The following SDK1 variants were observed in gnomAD, a reference collection of about 807,000 sequenced individuals.
The protein encoded by SDK1 is protein sidekick-1.
In SDK1, 157 loss-of-function variants were observed where a neutral mutation model predicts 245.5. The observed-to-expected ratio is 0.64, with a 90% confidence interval of 0.56 to 0.73. SDK1 has a LOEUF of 0.73. Among genes scored for constraint, SDK1 ranks in the 30% least tolerant of loss-of-function variants. The probability of loss-of-function intolerance (pLI) is 0.00; values close to 1 mark genes in which losing one functional copy is unlikely to be tolerated. For synonymous variants in SDK1, 1,647 were observed against 1,278.5 expected, an observed-to-expected ratio of 1.29 and a Z score of -6.15; for missense variants, 3,583 against 3,002.3, an observed-to-expected ratio of 1.19 and a Z score of -4.52.
intron 1 of SDK1, among the ~76,000 whole-genome samples, chr7:3,342,597 GAAAAA>G (rs960136457): frequency 1.4e-5 from 2 of 143,822 alleles, no homozygotes; most frequent in African/African-American, 5.1e-5. Context: ...TCAAAAAAAA[GAAAAA>G]AAAAAGGAAG....
intron 4 of SDK1, among the ~76,000 whole-genome samples, chr7:3,742,941 G>C (rs1779516807): frequency 6.6e-6 from 1 of 152,198 alleles, no homozygotes; most frequent in Non-Finnish European, 1.5e-5. Flanking sequence ...GTCATCAGTG[G>C]AGACTGGTTT....
intron 21 of SDK1, among the ~76,000 whole-genome samples, chr7:4,077,488 A>G (rs747315161): frequency 3.3e-5 from 5 of 152,208 alleles, no homozygotes; most frequent in Non-Finnish European, 7.3e-5. Context: ...CTAAAATGCC[A>G]TGAATACTTT....
Position 3,969,380 on chromosome 7 carries a change from A to T in SDK1, c.1670A>T (p.Asn557Ile). The T allele has an allele frequency of 6.2e-7, 1 of 1,609,318 alleles. No homozygotes were observed. Among genetic ancestry groups the T allele is most frequent in the Non-Finnish European group, 8.5e-7 (1 of 1,177,970 alleles). ...DAGNYTCYAANTEGSLNASAT... is the reference protein window; with the variant it reads ...DAGNYTCYAAITEGSLNASAT... Reference sequence around the variant, plus strand: ...GGCAACTACACCTGCTATGCGGCCAACACAGAGGGCTCCCTGAATGCATCG... The same window carrying T: ...GGCAACTACACCTGCTATGCGGCCATCACAGAGGGCTCCCTGAATGCATCG... Residue 557 changes from asparagine to isoleucine, a missense_variant, in exon 11 of 45, where the codon AAC becomes ATC. Physicochemically the swap from Asn to Ile is moderately radical, Grantham distance 149 (BLOSUM62 -3). Transcript: ENST00000404826.
chr7:4,158,623 T>C (rs1168947464), intron 31 of SDK1, 72 bp downstream of exon 31: 2 of 1,151,770 alleles, frequency 1.7e-6, no homozygotes, highest in East Asian at 4.7e-5. Context: ...GGCCACACTT[T>C]CGTCTTGAGC....
intron 1 of SDK1, among the ~76,000 whole-genome samples, chr7:3,613,281 G>A (rs1335959294): frequency 6.6e-6 from 1 of 152,166 alleles, no homozygotes; most frequent in African/African-American, 2.4e-5. Flanking sequence ...TTCCTCTGCA[G>A]ATAGATGGGT....
intron 4 of SDK1, among the ~76,000 whole-genome samples, chr7:3,789,025 C>A (rs1280161018): frequency 1.3e-5 from 2 of 152,218 alleles, no homozygotes; most frequent in Non-Finnish European, 2.9e-5. Context: ...AAGCTCCTTT[C>A]TGAGGGAGCA....
At chr7:4,037,108 T>C (rs917041902) in intron 17 of SDK1, among the ~76,000 whole-genome samples, 1 of 152,224 alleles carries the variant, frequency 6.6e-6, no homozygotes, top group Non-Finnish European at 1.5e-5. Flanking sequence ...CAAAACTCTT[T>C]GGACAGCCAA....
chr7:4,233,704 G>C (rs1785955357), intron 41 of SDK1, among the ~76,000 whole-genome samples: 1 of 152,140 alleles, frequency 6.6e-6, no homozygotes, highest in South Asian at 2.1e-4. Flanking sequence ...GCTTAGTTGA[G>C]GTTCTGCCCA....
Position 3,928,621 on chromosome 7 carries a change from GT to G in SDK1, c.848-22293del, listed in dbSNP as rs1007736056. On this transcript the variant is annotated intron_variant, in intron 5 of 44. Coordinates refer to ENST00000404826, the MANE Select transcript of SDK1 (RefSeq NM_152744.4). ...CTTGTGGGACTTGAACTCAATAAAA[GT>G]TTTTTTTTGGGGGGGGTGGGTGGAA... Among the ~76,000 whole-genome samples, 10 of 147,734 alleles carry G rather than the reference GT, an allele frequency of 6.8e-5. 1 individual carries two copies. Among genetic ancestry groups the G allele is most frequent in the Admixed American group, 2.0e-4 (3 of 14,846 alleles).
chr7:3,460,199 G>A (rs1343010992), intron 1 of SDK1, among the ~76,000 whole-genome samples: 2 of 152,190 alleles, frequency 1.3e-5, no homozygotes, highest in Non-Finnish European at 2.9e-5. Context: ...CCTCAGCCAA[G>A]TTATAGAATG....
Position 4,161,828 on chromosome 7 carries a change from C to G in SDK1, c.4772C>G (p.Thr1591Ser), listed in dbSNP as rs1562371583. The G allele has an allele frequency of 6.8e-6, 11 of 1,614,026 alleles. No homozygotes were observed. The highest frequency in any genetic ancestry group is 9.3e-6 in the Non-Finnish European group (11 of 1,179,984). Residue 1591 changes from threonine to serine, a missense_variant, in exon 32 of 45, where the codon ACC (threonine) becomes AGC (serine). Coordinates refer to ENST00000404826, the MANE Select transcript of SDK1 (RefSeq NM_152744.4). ...GGATCTGTCTCAGCGACGCCACACACCACGTCCTCTGTCCTGATACAGTGG... is the reference window on the plus strand; with the variant it reads ...GGATCTGTCTCAGCGACGCCACACAGCACGTCCTCTGTCCTGATACAGTGG... ...PPGSVSATPH[T>S]TSSVLIQWQP...
At chr7:3,383,517 A>T (rs1297033447) in intron 1 of SDK1, among the ~76,000 whole-genome samples, 1 of 152,164 alleles carries the variant, frequency 6.6e-6, no homozygotes, top group Non-Finnish European at 1.5e-5. Context: ...GCCTCCATGT[A>T]ATCAGATTTT....
intron 28 of SDK1, among the ~76,000 whole-genome samples, chr7:4,138,827 A>G (rs1464706665): frequency 6.6e-6 from 1 of 152,170 alleles, no homozygotes; most frequent in Non-Finnish European, 1.5e-5. Flanking sequence ...ATGACTAAAA[A>G]AAGTCCCAAG....
chr7:3,409,195 G>C (rs182514388), intron 1 of SDK1, among the ~76,000 whole-genome samples: 1 of 152,030 alleles, frequency 6.6e-6, no homozygotes, highest in Admixed American at 6.5e-5. Flanking sequence ...ATTTCATGTT[G>C]GTGTTTCTAC....
rs572403782 is a variant in SDK1 at position 4,188,083 on chromosome 7, A to G, written c.5098+9497A>G. On this transcript the variant is annotated intron_variant, in intron 35 of 44. Transcript: ENST00000404826. ...CAGCATGGGGAAAACCACTCCCATG[A>G]TTCAATTCTCTCTCGCTGGGCCTCT... Among the ~76,000 whole-genome samples the G allele has an allele frequency of 2.0e-5, 3 of 152,308 alleles. No homozygotes were observed. In the East Asian group the frequency reaches 5.8e-4, roughly 29 times the overall value.
intron 1 of SDK1, among the ~76,000 whole-genome samples, chr7:3,576,101 T>C (rs1280262110): frequency 6.6e-6 from 1 of 152,096 alleles, no homozygotes; most frequent in Non-Finnish European, 1.5e-5. Flanking sequence ...AGTTTCAAAT[T>C]GTAATTAGAA....
intron 5 of SDK1, among the ~76,000 whole-genome samples, chr7:3,866,419 G>T (rs1041968807): frequency 3.3e-5 from 5 of 152,186 alleles, no homozygotes; most frequent in African/African-American, 1.2e-4. Context: ...TGCTTTGAAC[G>T]ATGAAAGGGG....
rs1391372942 is a variant in SDK1 at position 4,113,276 on chromosome 7, G to GT, written c.3435-8dup. On this transcript the variant is annotated splice_polypyrimidine_tract_variant and intron_variant, in intron 23 of 44. Transcript: ENST00000404826. ...TGCTTTGCCGTGACTCTCATCAGTGGTTTTTCCTTTAGATTTCGAATGAAG... is the reference window on the plus strand; with the variant it reads ...TGCTTTGCCGTGACTCTCATCAGTGGTTTTTTCCTTTAGATTTCGAATGAAG... The GT allele has an allele frequency of 6.2e-7, 1 of 1,611,330 alleles. No homozygotes were observed. Among genetic ancestry groups the GT allele is most frequent in the Admixed American group, 1.7e-5 (1 of 59,650 alleles).
intron 1 of SDK1, among the ~76,000 whole-genome samples, chr7:3,389,197 T>A (rs947471361): frequency 3.3e-5 from 5 of 151,932 alleles, no homozygotes; most frequent in African/African-American, 1.2e-4. Context: ...GATGTCCAGG[T>A]TCTAATTCCT....
Sources: gnomAD v4.1 joint callset for allele counts (sites outside exome capture counted in the v4.1 genomes callset) on GRCh38, gnomAD v4.1.1 for gene constraint, MANE v1.5 for transcripts, NCBI Gene and HGNC (gene_info 2026-07-23, HGNC 2026-07-21) for gene names.